Variants in MYO1H observed in about 807,000 individuals in gnomAD.
MYO1H encodes unconventional myosin-Ih.
In MYO1H, 118 loss-of-function variants were observed where a neutral mutation model predicts 149.3. The ratio of observed to expected loss-of-function variants is 0.79; its 90% CI spans 0.68 to 0.92. The LOEUF is 0.92. Ranked by LOEUF, MYO1H falls within the 40% of genes least tolerant of loss-of-function variation. The pLI is 0.00. For missense variants in MYO1H, 1,212 were observed against 1,280.7 expected, an observed-to-expected ratio of 0.95 and a Z score of 0.82; for synonymous variants, 447 against 465.2, an observed-to-expected ratio of 0.96 and a Z score of 0.50.
At chr12:109,390,180 T>C (rs747342759) in intron 2 of MYO1H, among the ~76,000 whole-genome samples, 36 of 152,008 alleles carry the variant, frequency 2.4e-4, no homozygotes, top group Non-Finnish European at 4.4e-4. Flanking sequence ...GTCCTGGAGA[T>C]TGGAGAACGA....
chr12:109,366,735 A>G (rs893243825), intron 1 of MYO1H, among the ~76,000 whole-genome samples: 2 of 152,234 alleles, frequency 1.3e-5, no homozygotes, highest in Non-Finnish European at 2.9e-5. Context: ...TAAAAGGTCA[A>G]ACTGAGTAGA....
upstream of MYO1H, among the ~76,000 whole-genome samples, chr12:109,345,848 G>A (rs2048101072): frequency 1.3e-5 from 2 of 152,202 alleles, no homozygotes; most frequent in African/African-American, 4.8e-5. Context: ...AGCCAGTCAT[G>A]AAAGGTCACA....
At chr12:109,327,368 T>C in the MYO1H span, among the ~76,000 whole-genome samples, 10 of 151,274 alleles carry the variant, frequency 6.6e-5, no homozygotes, top group Non-Finnish European at 1.3e-4. Flanking sequence ...CTCCTGACCT[T>C]GTGATCCACC....
intron 25 of MYO1H, 45 bp downstream of exon 25, chr12:109,440,872 A>G (rs1265132675): frequency 2.2e-6 from 3 of 1,370,678 alleles, no homozygotes; most frequent in Non-Finnish European, 2.0e-6. Context: ...GGGTGGGTGT[A>G]AGAGTGGGTC....
At chr12:109,333,601 G>A in the MYO1H span, among the ~76,000 whole-genome samples, 1 of 152,152 alleles carries the variant, frequency 6.6e-6, no homozygotes, top group Non-Finnish European at 1.5e-5. Context: ...TGGCCAGCAT[G>A]AGGAGGGGTC....
intron 16 of MYO1H, among the ~76,000 whole-genome samples, 173 bp from the exon 17 acceptor site, chr12:109,424,575 C>T (rs1871289126): frequency 6.6e-6 from 1 of 152,238 alleles, no homozygotes; most frequent in African/African-American, 2.4e-5. Flanking sequence ...AGAATGTGAA[C>T]ATGGCCTTCC....
chr12:109,317,600 T>C, the MYO1H span, among the ~76,000 whole-genome samples: 1 of 152,322 alleles, frequency 6.6e-6, no homozygotes, highest in Non-Finnish European at 1.5e-5. Flanking sequence ...ACCCACCTTT[T>C]TGATGTAGGG....
At chr12:109,415,445 C>T (rs1870860226) in intron 14 of MYO1H, 81 bp from the exon 15 acceptor site, 1 of 1,335,532 alleles carries the variant, frequency 7.5e-7, no homozygotes, top group Non-Finnish European at 1.0e-6. Flanking sequence ...CACTGCACTC[C>T]AGCTTGGGCA....
chr12:109,406,457 C>A (rs1870388798), intron 8 of MYO1H, among the ~76,000 whole-genome samples: 1 of 103,542 alleles, frequency 9.7e-6, no homozygotes, highest in South Asian at 3.6e-4. Context: ...CATAGTGAGA[C>A]CCTATCTCTT....
rs564286753 is a variant in MYO1H, at chr12:109,385,814, T to A, written c.13-2869T>A. On this transcript the variant is annotated intron_variant, in intron 1 of 31. Coordinates refer to ENST00000310903, the Ensembl canonical transcript of MYO1H. ...CACCACCTAGCTTTAACAATTAACA[T>A]TCTGCCATTCCGTTTATATTCATAC... is the stretch of plus-strand genomic sequence containing the variant. Among the ~76,000 whole-genome samples, 5 of 152,330 alleles carry A rather than the reference T, an allele frequency of 3.3e-5. No homozygotes were observed. The South Asian group carries it at 1.0e-3, about 32-fold the overall frequency.
At chr12:109,346,203 G>A (rs7294746), upstream of MYO1H, among the ~76,000 whole-genome samples, 45,879 of 151,944 alleles carry the variant, frequency 0.3, 7,471 homozygotes, top group Middle Eastern at 0.4. Context: ...TATTTACATG[G>A]CATTTACATT....
chr12:109,334,454 G>A, the MYO1H span, among the ~76,000 whole-genome samples: 1 of 152,216 alleles, frequency 6.6e-6, no homozygotes, highest in Non-Finnish European at 1.5e-5. Flanking sequence ...GGGATTACAG[G>A]TGTGAGGCAC....
intron 15 of MYO1H, among the ~76,000 whole-genome samples, chr12:109,418,940 G>C (rs1871049358): frequency 6.6e-6 from 1 of 151,998 alleles, no homozygotes; most frequent in African/African-American, 2.4e-5. Flanking sequence ...AATGCAAAGT[G>C]ACAAAAAGAA....
chr12:109,405,930 T>C (rs757676526), exon 8 of MYO1H: 10 of 1,609,464 alleles, frequency 6.2e-6, no homozygotes, highest in African/African-American at 2.7e-5. Context: ...AGAATCTCTT[T>C]GGAATTATTG....
intron 2 of MYO1H, among the ~76,000 whole-genome samples, chr12:109,390,618 A>G (rs917067114): frequency 6.6e-6 from 1 of 151,730 alleles, no homozygotes; most frequent in East Asian, 1.9e-4. Flanking sequence ...TGTTTTGCCC[A>G]ATTTTAGGAG....
intron 1 of MYO1H, among the ~76,000 whole-genome samples, chr12:109,384,105 C>T (rs537283016): frequency 2.0e-5 from 3 of 152,328 alleles, no homozygotes; most frequent in Admixed American, 6.5e-5. Flanking sequence ...TCTGGCAACA[C>T]AGGCCCTATA....
At chr12:109,439,130 A>G (rs934590128) in intron 23 of MYO1H, among the ~76,000 whole-genome samples, 4 of 152,104 alleles carry the variant, frequency 2.6e-5, no homozygotes, top group Non-Finnish European at 5.9e-5. Flanking sequence ...GCTGGAGTAC[A>G]ATGGTGTGAT....
In MYO1H at chr12:109,415,593, GC is replaced by G; in HGVS notation, c.1571del (p.Ala524GlufsTer23). 6.2e-7 allele frequency: 1 copy of G among 1,605,060 alleles called. No homozygotes were observed. Among genetic ancestry groups the G allele is most frequent in the Non-Finnish European group, 8.5e-7 (1 of 1,175,900 alleles). On this transcript the variant is annotated frameshift_variant, in exon 15 of 32. Coordinates refer to ENST00000310903, the Ensembl canonical transcript of MYO1H. LOFTEE classifies it high-confidence loss of function. Reference sequence around the variant, plus strand: ...GATGGAGTTCCGACTCCTCCACTATGCAGGAGAGGTCACATACTGCACCAAG... The same window carrying G: ...GATGGAGTTCCGACTCCTCCACTATGAGGAGAGGTCACATACTGCACCAAG...
chr12:109,444,888 G>A (rs1872414336), intron 30 of MYO1H, among the ~76,000 whole-genome samples: 1 of 151,404 alleles, frequency 6.6e-6, no homozygotes, highest in African/African-American at 2.4e-5. Context: ...AAAAATTACA[G>A]ATCGGGGAAG....
Sources: gnomAD v4.1 joint callset for allele counts (sites outside exome capture counted in the v4.1 genomes callset) on GRCh38, gnomAD v4.1.1 for gene constraint, MANE v1.5 for transcripts, NCBI Gene and HGNC (gene_info 2026-07-23, HGNC 2026-07-21) for gene names.